The following PRICKLE1 variants were observed in gnomAD, a reference collection of about 807,000 sequenced individuals.
PRICKLE1 encodes prickle-like protein 1.
Under a neutral mutation model 70.2 loss-of-function variants are expected in PRICKLE1, and 14 were observed. That is an observed-to-expected ratio of 0.20 (90% CI 0.13 to 0.31). PRICKLE1 has a LOEUF of 0.31. PRICKLE1 is among the 10% of genes least tolerant of loss of function. The probability of loss-of-function intolerance (pLI) is 1.00; values close to 1 mark genes in which losing one functional copy is unlikely to be tolerated. For missense variants in PRICKLE1, 821 were observed against 1,026.2 expected, an observed-to-expected ratio of 0.80 and a Z score of 2.73; for synonymous variants, 357 against 379.9, an observed-to-expected ratio of 0.94 and a Z score of 0.70.
rs1485447779 is a variant in PRICKLE1, at chr12:42,513,409, G to T, written c.-48-40845C>A. Among the ~76,000 whole-genome samples, 8 of 152,136 alleles carry T rather than the reference G, an allele frequency of 5.3e-5. No homozygotes were observed. In the East Asian group the frequency reaches 1.3e-3, roughly 26 times the overall value. On this transcript the variant is annotated intron_variant, in intron 1 of 7. Transcript: ENST00000345127. ...GGTACTCAATTAATATTTGTTAAATGAATACAGCTGGGCACTCTTGTAGTC... is the reference window on the plus strand; with the variant it reads ...GGTACTCAATTAATATTTGTTAAATTAATACAGCTGGGCACTCTTGTAGTC...
At chr12:42,573,046 T>C (rs1476814147) in intron 1 of PRICKLE1, among the ~76,000 whole-genome samples, 1 of 152,104 alleles carries the variant, frequency 6.6e-6, no homozygotes, top group East Asian at 1.9e-4. Context: ...GTTAATCCAG[T>C]GAGTTCCTTG....
At chr12:42,495,922 T>C (rs1001551719) in intron 1 of PRICKLE1, among the ~76,000 whole-genome samples, 1 of 152,190 alleles carries the variant, frequency 6.6e-6, no homozygotes, top group African/African-American at 2.4e-5. Context: ...CTCAAAGTCT[T>C]CCATGAGGGT....
At chr12:42,512,058 C>T (rs547236009) in intron 1 of PRICKLE1, among the ~76,000 whole-genome samples, 1 of 152,256 alleles carries the variant, frequency 6.6e-6, no homozygotes, top group East Asian at 1.9e-4. Flanking sequence ...TAGTTCTTTC[C>T]AGGTTCTTGT....
chr12:42,488,722 T>C (rs76629017), intron 1 of PRICKLE1, among the ~76,000 whole-genome samples: 5,794 of 152,254 alleles, frequency 0.038, 364 homozygotes, highest in African/African-American at 0.13. Context: ...GTATACAGTA[T>C]AATCATATTG....
chr12:42,476,386 T>C (rs944905625), intron 1 of PRICKLE1, among the ~76,000 whole-genome samples: 6 of 151,792 alleles, frequency 4.0e-5, no homozygotes, highest in African/African-American at 1.5e-4. Context: ...TTCTCCATGT[T>C]GGTCAGGCTG....
intron 1 of PRICKLE1, among the ~76,000 whole-genome samples, chr12:42,562,981 G>A (rs1297694960): frequency 1.3e-5 from 2 of 151,716 alleles, no homozygotes; most frequent in Non-Finnish European, 2.9e-5. Flanking sequence ...TCAGGAGTTC[G>A]AGACCAGCCT....
At chr12:42,565,488 G>A (rs1038696469) in intron 1 of PRICKLE1, among the ~76,000 whole-genome samples, 3 of 152,182 alleles carry the variant, frequency 2.0e-5, no homozygotes, top group Admixed American at 6.5e-5. Context: ...TAAAGGCTAT[G>A]ATGAACTAGC....
At chr12:42,473,383 G>C (rs2140127587) in intron 1 of PRICKLE1, among the ~76,000 whole-genome samples, 1 of 152,320 alleles carries the variant, frequency 6.6e-6, no homozygotes, top group East Asian at 1.9e-4. Context: ...CCTGCTATGG[G>C]CAGAGTAAGA....
rs911317404 is a variant in PRICKLE1 at position 42,457,773 on chromosome 12, A to G, written c.*2036T>C. The G allele has an allele frequency of 9.9e-5, 15 of 152,258 alleles. No individual in the cohort carries two copies. Among genetic ancestry groups the G allele is most frequent in the African/African-American group, 3.6e-4 (15 of 41,460 alleles). The allele number at this position is 152,258 out of a possible 1,614,324, so 9.4% of individuals were successfully genotyped here. ...AAGCATGTCACAGCACATATAGGTC[A>G]CTACCACTTTTAAAAGACACATTTA... On this transcript the variant is annotated 3_prime_UTR_variant, in exon 8 of 8. Coordinates refer to ENST00000345127, the MANE Select transcript of PRICKLE1 (RefSeq NM_153026.3).
At chr12:42,579,015 G>A (rs746437030) in intron 1 of PRICKLE1, among the ~76,000 whole-genome samples, 3 of 152,120 alleles carry the variant, frequency 2.0e-5, no homozygotes, top group Non-Finnish European at 2.9e-5. Flanking sequence ...TGCCCACTTC[G>A]GCCTCCCAAA....
chr12:42,485,320 A>G (rs886098167), intron 1 of PRICKLE1: 10 of 132,064 alleles, frequency 7.6e-5, no homozygotes, highest in African/African-American at 2.8e-4. Flanking sequence ...CTGCTGGTAG[A>G]CTAGTTTGGA....
chr12:42,477,830 T>G (rs1366153244), intron 1 of PRICKLE1, among the ~76,000 whole-genome samples: 1 of 152,160 alleles, frequency 6.6e-6, no homozygotes, highest in Non-Finnish European at 1.5e-5. Context: ...AAAAGTAGGC[T>G]GCATTATAAT....
At chr12:42,497,330 G>A (rs1939222219) in intron 1 of PRICKLE1, among the ~76,000 whole-genome samples, 3 of 152,110 alleles carry the variant, frequency 2.0e-5, no homozygotes, top group South Asian at 2.1e-4. Flanking sequence ...CGGATCACGA[G>A]GTCAGGAGAT....
chr12:42,556,355 A>G (rs151161288), intron 1 of PRICKLE1, among the ~76,000 whole-genome samples: 1,618 of 152,312 alleles, frequency 0.011, 13 homozygotes, highest in Middle Eastern at 0.02. Context: ...GTTCTTTCTA[A>G]TAACAACCAC....
chr12:42,527,377 C>T (rs896754876), intron 1 of PRICKLE1, among the ~76,000 whole-genome samples: 1 of 152,150 alleles, frequency 6.6e-6, no homozygotes, highest in African/African-American at 2.4e-5. Flanking sequence ...AAGTGATGTG[C>T]CTGCCTTGGC....
intron 1 of PRICKLE1, among the ~76,000 whole-genome samples, chr12:42,543,541 G>A (rs191554749): frequency 5.9e-5 from 9 of 151,854 alleles, no homozygotes; most frequent in African/African-American, 2.2e-4. Context: ...TTTTTCTTTT[G>A]AGATGGAGTC....
rs906202973 is a variant in PRICKLE1 at position 42,457,950 on chromosome 12, C to T, written c.*1859G>A. On this transcript the variant is annotated 3_prime_UTR_variant, in exon 8 of 8. Coordinates refer to ENST00000345127, the MANE Select transcript of PRICKLE1 (RefSeq NM_153026.3). ...TTTGAATTTTTTTGTCATGTGTATGCACTTCCTTTTCATTGCTGATGGTTT... is the reference window on the plus strand; with the variant it reads ...TTTGAATTTTTTTGTCATGTGTATGTACTTCCTTTTCATTGCTGATGGTTT... 1.3e-5 allele frequency: 2 copies of T among 152,170 alleles called. No individual in the cohort carries two copies. The highest frequency in any genetic ancestry group is 2.9e-5 in the Non-Finnish European group (2 of 68,046). 9.4% of individuals were successfully genotyped at this position (152,170 alleles called of 1,614,324 possible).
At chr12:42,535,571 G>GAA (rs1283746824) in intron 1 of PRICKLE1, among the ~76,000 whole-genome samples, 2 of 152,176 alleles carry the variant, frequency 1.3e-5, no homozygotes, top group African/African-American at 4.8e-5. Flanking sequence ...TGGTTAGAAT[G>GAA]AGTTTGCTCT....
intron 2 of PRICKLE1, among the ~76,000 whole-genome samples, chr12:42,470,560 T>C (rs1938279751): frequency 6.6e-6 from 1 of 152,194 alleles, no homozygotes; most frequent in African/African-American, 2.4e-5. Context: ...GGAATGTAAT[T>C]TGTAGTGACA....
Sources: gnomAD v4.1 joint callset for allele counts (sites outside exome capture counted in the v4.1 genomes callset) on GRCh38, gnomAD v4.1.1 for gene constraint, MANE v1.5 for transcripts, NCBI Gene and HGNC (gene_info 2026-07-23, HGNC 2026-07-21) for gene names.